Variants in TGFBI observed in about 807,000 individuals in gnomAD.
TGFBI encodes the protein transforming growth factor-beta-induced protein ig-h3.
A neutral mutation model predicts 73.7 loss-of-function variants in TGFBI; 50 were observed. The observed-to-expected ratio is 0.68, with a 90% CI of 0.54 to 0.86. The LOEUF (loss-of-function observed/expected upper bound fraction) is 0.86, where lower values mean the gene tolerates loss of function less well. TGFBI is among the 40% of genes least tolerant of loss of function. The probability of loss-of-function intolerance (pLI) is 0.00; values close to 1 mark genes in which losing one functional copy is unlikely to be tolerated. For synonymous variants in TGFBI, 362 were observed against 360.5 expected (o/e 1.00, Z -0.05); for missense variants, 839 against 877.0 (o/e 0.96, Z 0.55).
At chr5:136,051,581 C>T (rs1751537266) in intron 7 of TGFBI, among the ~76,000 whole-genome samples, 1 of 152,240 alleles carries the variant, frequency 6.6e-6, no homozygotes, top group African/African-American at 2.4e-5. Context: ...CTGTTTGGTG[C>T]CATCGCTGCA....
chr5:136,030,560 G>A (rs1158414775), intron 1 of TGFBI, among the ~76,000 whole-genome samples: 2 of 152,208 alleles, frequency 1.3e-5, no homozygotes, highest in Admixed American at 6.5e-5. Context: ...ATATCCTGGG[G>A]TCTTTCTGGA....
At chr5:136,046,164 A>G in intron 3 of TGFBI, 171 bp from the exon 4 acceptor site, 1 of 633,792 alleles carries the variant, frequency 1.6e-6, no homozygotes, top group Non-Finnish European at 2.6e-6. Context: ...TTGTTTTAAG[A>G]AGACTATAAC....
At position 136,046,378 on chromosome 5, in the gene TGFBI, A is replaced by G; in HGVS notation, c.342A>G (p.Gly114=). 4 of 1,613,808 alleles carry G rather than the reference A, an allele frequency of 2.5e-6. No homozygotes were observed. The highest frequency in any genetic ancestry group is 3.4e-6 in the Non-Finnish European group (4 of 1,179,846). ...TTTACGAGACCCTGGGAGTCGTTGG[A>G]TCCACCACCACTCAGCTGTACACGG... is the stretch of plus-strand genomic sequence containing the variant. ...SNLYETLGVV[G]STTTQLYTDR... is the part of the protein sequence containing the mutation. The change falls in exon 4 of 17, where the codon GGA becomes GGG. Residue 114 remains glycine (G), a synonymous_variant. Transcript: ENST00000442011.
intron 6 of TGFBI, 69 bp downstream of exon 6, chr5:136,047,489 A>G (rs1277706096): frequency 6.9e-6 from 11 of 1,586,376 alleles, no homozygotes; most frequent in Non-Finnish European, 8.6e-6. Flanking sequence ...CCTAGCAGGA[A>G]CTCTTCTGCA....
chr5:136,054,002 A>G lies in TGFBI; in HGVS notation c.1186A>G (p.Arg396Gly). 1 of 1,614,052 alleles carries G rather than the reference A, an allele frequency of 6.2e-7. No individual in the cohort carries two copies. The highest frequency in any genetic ancestry group is 8.5e-7 in the Non-Finnish European group (1 of 1,179,896). Residue 396 changes from arginine (R) to glycine (G), a missense_variant, in exon 9 of 17, where the codon AGA (arginine) becomes GGA (glycine). Transcript: ENST00000442011. ...TGTGTCCACAGCCATTGACCTTTTCAGACAAGCCGGCCTCGGCAATCATCT... is the reference window on the plus strand; with the variant it reads ...TGTGTCCACAGCCATTGACCTTTTCGGACAAGCCGGCCTCGGCAATCATCT... ...SDVSTAIDLFRQAGLGNHLSG... is the reference protein window; with the variant it reads ...SDVSTAIDLFGQAGLGNHLSG...
At chr5:136,058,896 T>C in intron 12 of TGFBI, 194 bp from the exon 13 acceptor site, 1 of 616,898 alleles carries the variant, frequency 1.6e-6, no homozygotes, top group Non-Finnish European at 2.6e-6. Context: ...ATGTGCTTTG[T>C]GTCCTCTGAC....
intron 9 of TGFBI, 103 bp downstream of exon 9, chr5:136,054,183 T>C: frequency 6.8e-7 from 1 of 1,461,150 alleles, no homozygotes; most frequent in Non-Finnish European, 9.3e-7. Context: ...CATGGGACAT[T>C]AGAACTTCCA....
At chr5:136,033,527 G>T (rs568280605) in intron 1 of TGFBI, among the ~76,000 whole-genome samples, 5 of 152,332 alleles carry the variant, frequency 3.3e-5, no homozygotes, top group Non-Finnish European at 7.3e-5. Context: ...AGTTACATCA[G>T]TATGTAAGAG....
intron 1 of TGFBI, among the ~76,000 whole-genome samples, chr5:136,031,546 A>G (rs1654022870): frequency 6.6e-6 from 1 of 152,222 alleles, no homozygotes; most frequent in South Asian, 2.1e-4. Flanking sequence ...GTAGAGAGTG[A>G]CTTAGTTCAG....
chr5:136,063,443 G>C lies in TGFBI; in HGVS notation c.*217G>C, dbSNP rs1382117274. On this transcript the variant is annotated 3_prime_UTR_variant, in exon 17 of 17. Coordinates refer to ENST00000442011, the MANE Select transcript of TGFBI (RefSeq NM_000358.3). Reference sequence around the variant, plus strand: ...CCCTAAACATGGCTGTTAACCCACTGCATGCAGAAACTTGGATGTCACTGC... The same window carrying C: ...CCCTAAACATGGCTGTTAACCCACTCCATGCAGAAACTTGGATGTCACTGC... 7.5e-6 allele frequency: 4 copies of C among 533,806 alleles called. No individual in the cohort carries two copies. Among genetic ancestry groups the C allele is most frequent in the Non-Finnish European group, 1.3e-5 (4 of 298,702 alleles). 33.1% of individuals were successfully genotyped at this position (533,806 alleles called of 1,614,324 possible).
chr5:136,058,031 C>G (rs1751681074), intron 12 of TGFBI, among the ~76,000 whole-genome samples: 1 of 152,124 alleles, frequency 6.6e-6, no homozygotes, highest in African/African-American at 2.4e-5. Flanking sequence ...TGAGGCACCC[C>G]TGGGGGACAG....
chr5:136,038,919 C>A (rs1751279374), intron 2 of TGFBI, among the ~76,000 whole-genome samples: 1 of 152,196 alleles, frequency 6.6e-6, no homozygotes, highest in Admixed American at 6.5e-5. Context: ...AGGCCGATTT[C>A]TGACTCTAGC....
intron 2 of TGFBI, among the ~76,000 whole-genome samples, chr5:136,037,387 A>C (rs1175186145): frequency 6.6e-6 from 1 of 152,116 alleles, no homozygotes; most frequent in Non-Finnish European, 1.5e-5. Flanking sequence ...GTAGCCATAA[A>C]ATTTTTTACG....
intron 11 of TGFBI, 23 bp downstream of exon 11, chr5:136,055,839 G>A (rs1297695452): frequency 1.3e-6 from 2 of 1,583,930 alleles, no homozygotes; most frequent in East Asian, 2.3e-5. Context: ...ATCCCCGGGT[G>A]GAGCTTCTGC....
Position 136,029,884 on chromosome 5 carries a change from C to A in TGFBI, c.134+695C>A, listed in dbSNP as rs1294751964. Among the ~76,000 whole-genome samples, 3 of 152,182 alleles carry A rather than the reference C, an allele frequency of 2.0e-5. 1 individual carries two copies. The highest frequency in any genetic ancestry group is 4.4e-5 in the Non-Finnish European group (3 of 68,038). On this transcript the variant is annotated intron_variant, in intron 1 of 16. Coordinates refer to ENST00000442011, the MANE Select transcript of TGFBI (RefSeq NM_000358.3). Reference sequence around the variant, plus strand: ...TGTGCACTGGAGCCAGGATTGGAGTCTGTCTTAAAGTAATAGCTGGGTTTG... The same window carrying A: ...TGTGCACTGGAGCCAGGATTGGAGTATGTCTTAAAGTAATAGCTGGGTTTG...
At position 136,054,988 on chromosome 5, in the gene TGFBI, T is replaced by A. The variant is rs986199828; in HGVS notation, c.1410+127T>A. 4 of 1,149,838 alleles carry A rather than the reference T, an allele frequency of 3.5e-6. No individual in the cohort carries two copies. In the African/African-American group the frequency reaches 6.2e-5, roughly 18 times the overall value. 71.2% of individuals were successfully genotyped at this position (1,149,838 alleles called of 1,614,324 possible). A position where few individuals can be genotyped will look rare whatever the true frequency, so the allele number is the denominator to read the frequency against. ...AACTGGTTGCTGACAAGGAAGGAAATAATTTCTGGAAAATATAGATAACAA... is the reference window on the plus strand; with the variant it reads ...AACTGGTTGCTGACAAGGAAGGAAAAAATTTCTGGAAAATATAGATAACAA... On this transcript the variant is annotated intron_variant, in intron 10 of 16. Coordinates refer to ENST00000442011, the MANE Select transcript of TGFBI (RefSeq NM_000358.3).
At chr5:136,031,434 G>A (rs559704204) in intron 1 of TGFBI, among the ~76,000 whole-genome samples, 5 of 152,368 alleles carry the variant, frequency 3.3e-5, no homozygotes, top group African/African-American at 7.2e-5. Flanking sequence ...TTGCTTGTGC[G>A]CAGCACTCGA....
At chr5:136,051,814 C>T (rs1389373860) in intron 7 of TGFBI, among the ~76,000 whole-genome samples, 1 of 152,224 alleles carries the variant, frequency 6.6e-6, no homozygotes, top group Non-Finnish European at 1.5e-5. Flanking sequence ...CCCAAGGCCT[C>T]ATTCCCATAG....
At chr5:136,063,047 A>C (rs1384997531) in intron 16 of TGFBI, 139 bp from the exon 17 acceptor site, 1 of 751,090 alleles carries the variant, frequency 1.3e-6, no homozygotes, top group Non-Finnish European at 2.2e-6. Flanking sequence ...AAGTTTCACA[A>C]ACCACAAAGC....
Sources: allele counts gnomAD v4.1 joint callset (sites outside exome capture counted in the v4.1 genomes callset), GRCh38; gene constraint gnomAD v4.1.1; transcripts MANE v1.5; gene names NCBI Gene and HGNC (gene_info 2026-07-23, HGNC 2026-07-21).